The following PPP5C variants were observed in gnomAD, a reference collection of about 807,000 sequenced individuals.
PPP5C encodes protein phosphatase 5 catalytic subunit, also known as serine/threonine-protein phosphatase 5.
Under a neutral mutation model 66.7 loss-of-function variants are expected in PPP5C, and 21 were observed. The observed-to-expected ratio is 0.31, with a 90% CI of 0.22 to 0.45. The LOEUF is 0.45. Ranked by LOEUF, PPP5C falls within the 20% of genes least tolerant of loss-of-function variation. The pLI is 1.00. For missense variants in PPP5C, 464 were observed against 675.9 expected, an observed-to-expected ratio of 0.69 and a Z score of 3.48; for synonymous variants, 246 against 257.4, an observed-to-expected ratio of 0.96 and a Z score of 0.43.
rs932305140 is a variant in PPP5C, at chr19:46,372,600, T to C, written c.364-3004T>C. Among the ~76,000 whole-genome samples, 53 of 152,350 alleles carry C rather than the reference T, an allele frequency of 3.5e-4. 1 individual carries two copies. Among genetic ancestry groups the C allele is most frequent in the African/African-American group, 1.2e-3 (51 of 41,594 alleles). ...AGGGCTTCTTCGGGGATTGTGAACC[T>C]GTGTTACCATTTCACCAGCTCCAGA... On this transcript the variant is annotated intron_variant, in intron 2 of 12. Transcript: ENST00000012443.
chr19:46,388,556 G>A lies in PPP5C; in HGVS notation c.1180G>A (p.Gly394Arg). The A allele has an allele frequency of 3.1e-6, 5 of 1,613,892 alleles. No homozygotes were observed. Among genetic ancestry groups the A allele is most frequent in the Non-Finnish European group, 3.4e-6 (4 of 1,179,862 alleles). The change falls in exon 11 of 13, where the codon GGG becomes AGG. Residue 394 changes from glycine (G) to arginine (R), a missense_variant. Around this residue, in one of 2 missense-constraint regions of PPP5C, gnomAD observed 387 missense variants for 626.0 expected, o/e 0.62. Coordinates refer to ENST00000012443, the MANE Select transcript of PPP5C (RefSeq NM_006247.4). This position sits in a 1 kb window ranked among gnomAD's most constrained non-coding sequence, Gnocchi z 4.9. ...TCTCCCTTCTGCCCACCCTCAGAAC[G>A]GGCGCTCGATCAGCAAGCGGGGCGT... ...LLWSDPQPQNGRSISKRGVSC... is the reference protein window; with the variant it reads ...LLWSDPQPQNRRSISKRGVSC...
intron 4 of PPP5C, among the ~76,000 whole-genome samples, chr19:46,380,324 G>GAA (rs201438915): frequency 2.2e-5 from 3 of 135,602 alleles, no homozygotes; most frequent in Admixed American, 7.5e-5. Flanking sequence ...CATCTCAAAA[G>GAA]AAAAAAAAAA....
chr19:46,365,076 G>A (rs1191120525), intron 2 of PPP5C, among the ~76,000 whole-genome samples: 5 of 152,158 alleles, frequency 3.3e-5, no homozygotes, highest in African/African-American at 1.2e-4. Context: ...TCCGCCTCCT[G>A]GGTTCAAGCA....
At chr19:46,352,343 C>G (rs960579539) in intron 1 of PPP5C, among the ~76,000 whole-genome samples, 4 of 152,184 alleles carry the variant, frequency 2.6e-5, no homozygotes, top group African/African-American at 4.8e-5. Flanking sequence ...TCTAGGAAAC[C>G]CTAGTCCACA....
At chr19:46,384,435 T>G in intron 6 of PPP5C, 2 of 290,816 alleles carry the variant, frequency 6.9e-6, no homozygotes, top group Non-Finnish European at 6.7e-6. Flanking sequence ...GGCCTATGCA[T>G]TGTTGAGTGG....
intron 1 of PPP5C, 60 bp from the exon 2 acceptor site, chr19:46,353,688 C>A: frequency 6.2e-7 from 1 of 1,604,976 alleles, no homozygotes; most frequent in South Asian, 1.1e-5. Flanking sequence ...GTCACCCAGC[C>A]CAGGGCCTGT....
chr19:46,358,603 A>T (rs563987950), intron 2 of PPP5C, among the ~76,000 whole-genome samples: 5 of 152,214 alleles, frequency 3.3e-5, no homozygotes, highest in Non-Finnish European at 7.3e-5. Flanking sequence ...CAAAATTAAT[A>T]TAAGTAGAGA....
Position 46,387,082 on chromosome 19 carries a change from G to A in PPP5C, c.905-11G>A, listed in dbSNP as rs1056601753. 7.4e-6 allele frequency: 12 copies of A among 1,614,210 alleles called. No individual in the cohort carries two copies. Among genetic ancestry groups the A allele is most frequent in the Middle Eastern group, 1.6e-4 (1 of 6,062 alleles). On this transcript the variant is annotated splice_polypyrimidine_tract_variant and intron_variant, in intron 7 of 12. Coordinates refer to ENST00000012443, the MANE Select transcript of PPP5C (RefSeq NM_006247.4). ...AGGCTGAGCTTTCTCTTCTGTCCCC[G>A]TGTTGGCCAGGCAACCACGAGACAG...
At chr19:46,387,851 G>C (rs1483424196) in intron 9 of PPP5C, 2 of 748,512 alleles carry the variant, frequency 2.7e-6, no homozygotes, top group Admixed American at 7.6e-5. Context: ...GGGTGGGCTG[G>C]TGCTGGGTGC....
At chr19:46,362,850 C>T (rs928502631) in intron 2 of PPP5C, among the ~76,000 whole-genome samples, 22 of 150,968 alleles carry the variant, frequency 1.5e-4, no homozygotes, top group Non-Finnish European at 2.2e-4. Context: ...TGCAGTGGCG[C>T]GATCTCGGCT....
chr19:46,375,524 A>T (rs1601434138), intron 2 of PPP5C, 80 bp from the exon 3 acceptor site: 19 of 1,563,852 alleles, frequency 1.2e-5, no homozygotes, highest in Non-Finnish European at 1.6e-5. Context: ...CTTTCATGGA[A>T]CCCAGGGCTG....
In PPP5C at chr19:46,390,702, A is replaced by C; in HGVS notation, c.*356A>C. The C allele has an allele frequency of 8.4e-7, 1 of 1,188,904 alleles. No individual in the cohort carries two copies. Among genetic ancestry groups the C allele is most frequent in the Non-Finnish European group, 1.1e-6 (1 of 945,584 alleles). The allele number at this position is 1,188,904 out of a possible 1,614,324, so 73.6% of individuals were successfully genotyped here. A position where few individuals can be genotyped will look rare whatever the true frequency, so the allele number is the denominator to read the frequency against. On this transcript the variant is annotated 3_prime_UTR_variant, in exon 13 of 13. Coordinates refer to ENST00000012443, the MANE Select transcript of PPP5C (RefSeq NM_006247.4). ...TCAAGCAATAGGGCCCCGCCATAGG[A>C]AGACCCCCAGAGAGAGGGTCAGCAG... is the stretch of plus-strand genomic sequence containing the variant.
At chr19:46,364,010 A>G (rs1185434884) in intron 2 of PPP5C, among the ~76,000 whole-genome samples, 1 of 152,158 alleles carries the variant, frequency 6.6e-6, no homozygotes, top group Non-Finnish European at 1.5e-5. Context: ...GGAAGGAGGG[A>G]CAGACAGCGG....
chr19:46,370,164 AACTT>A (rs1473074010), intron 2 of PPP5C, among the ~76,000 whole-genome samples: 4 of 152,156 alleles, frequency 2.6e-5, no homozygotes, highest in African/African-American at 4.8e-5. Context: ...AGCTTACTGT[AACTT>A]ACTTTATAAA....
intron 11 of PPP5C, among the ~76,000 whole-genome samples, chr19:46,389,405 A>AGAGTGTTGATCC (rs1568579889): frequency 1.4e-4 from 4 of 28,796 alleles, no homozygotes; most frequent in South Asian, 1.8e-3. Context: ...ACACACACAC[A>AGAGTGTTGATCC]CACACACACA....
At chr19:46,356,575 G>T (rs554910704) in intron 2 of PPP5C, among the ~76,000 whole-genome samples, 1 of 152,310 alleles carries the variant, frequency 6.6e-6, no homozygotes, top group African/African-American at 2.4e-5. Context: ...TCAGACTGAG[G>T]CCTAGAGAGG....
chr19:46,385,596 G>A (rs1204279290), intron 7 of PPP5C, among the ~76,000 whole-genome samples: 1 of 152,096 alleles, frequency 6.6e-6, no homozygotes, highest in African/African-American at 2.4e-5. Context: ...CCTGTCCAAT[G>A]TGGTGAAACC....
Position 46,376,312 on chromosome 19 carries a change from G to T in PPP5C, c.512-141G>T. 1 of 1,094,422 alleles carries T rather than the reference G, an allele frequency of 9.1e-7. No homozygotes were observed. The allele number at this position is 1,094,422 out of a possible 1,614,324, so 67.8% of individuals were successfully genotyped here. On this transcript the variant is annotated intron_variant, in intron 3 of 12. Transcript: ENST00000012443. This position sits in a 1 kb window ranked among gnomAD's most constrained non-coding sequence, Gnocchi z 5.1. ...GGCCTCTGGGCCAGACCTGACCCAG[G>T]AGGGGACTCTTCACTCACTCTGTCC... is the stretch of plus-strand genomic sequence containing the variant.
At chr19:46,368,100 A>G (rs1018712383) in intron 2 of PPP5C, among the ~76,000 whole-genome samples, 13 of 152,310 alleles carry the variant, frequency 8.5e-5, no homozygotes, top group Admixed American at 8.5e-4. Context: ...ATTGTAAATC[A>G]AAACAGCAGC....
Sources: allele counts gnomAD v4.1 joint callset (sites outside exome capture counted in the v4.1 genomes callset), GRCh38; gene constraint gnomAD v4.1.1; regional missense constraint gnomAD v4.1.1; non-coding constraint Gnocchi (gnomAD v3.1); transcripts MANE v1.5; gene names NCBI Gene and HGNC (gene_info 2026-07-23, HGNC 2026-07-21).